ESS2: variants seen among roughly 807,000 people sequenced by gnomAD.
ESS2 encodes splicing factor ESS-2 homolog.
ESS2 carries 31 observed loss-of-function variants against 52.0 expected under a neutral mutation model. The observed-to-expected ratio is 0.60, with a 90% confidence interval of 0.45 to 0.81. The LOEUF is 0.81. Among genes scored for constraint, ESS2 ranks in the 30% least tolerant of loss-of-function variants. The pLI is 0.00. For missense variants in ESS2, 602 were observed against 637.2 expected (o/e 0.94, Z 0.59); for synonymous variants, 285 against 259.2 (o/e 1.10, Z -0.95).
chr22:19,134,913 A>C, intron 9 of ESS2, 147 bp downstream of exon 9: 2 of 664,204 alleles, frequency 3.0e-6, no homozygotes, highest in South Asian at 3.8e-5. Flanking sequence ...TGGATAGAGG[A>C]GCTGCCACAG....
intron 8 of ESS2, among the ~76,000 whole-genome samples, chr22:19,136,006 G>C (rs1370221344): frequency 1.4e-5 from 2 of 141,548 alleles, no homozygotes; most frequent in African/African-American, 5.3e-5. Flanking sequence ...CTCCAGCCTG[G>C]GCAACAGAGT....
chr22:19,140,461 C>T (rs1316050897), intron 3 of ESS2, among the ~76,000 whole-genome samples: 2 of 152,184 alleles, frequency 1.3e-5, no homozygotes, highest in Non-Finnish European at 2.9e-5. Flanking sequence ...CTCTTCTCTT[C>T]CTGGTACCTG....
chr22:19,143,953 T>C (rs2083739887), intron 1 of ESS2: 1 of 788,764 alleles, frequency 1.3e-6, no homozygotes, highest in Non-Finnish European at 1.5e-6. Context: ...CAGCCAGACC[T>C]TGCTCCCGAG....
chr22:19,134,503 C>T lies in ESS2; in HGVS notation c.1152-28G>A, dbSNP rs199663070. 5.7e-4 allele frequency: 855 copies of T among 1,504,034 alleles called. 1 individual carries two copies. Among genetic ancestry groups the T allele is most frequent in the Non-Finnish European group, 5.5e-4 (625 of 1,127,008 alleles). 93.2% of individuals were successfully genotyped at this position (1,504,034 alleles called of 1,614,324 possible). A position where few individuals can be genotyped will look rare whatever the true frequency, so the allele number is the denominator to read the frequency against. On this transcript the variant is annotated intron_variant, in intron 9 of 9. Transcript: ENST00000252137. ...GGGGTGGAGGAATGGGTGAGAGAGG[C>T]AGGGTTAGGTGGGCTGAGAGCTGCC... is the stretch of plus-strand genomic sequence containing the variant.
At chr22:19,143,657 AC>A (rs1267755404) in intron 1 of ESS2, among the ~76,000 whole-genome samples, 1 of 151,986 alleles carries the variant, frequency 6.6e-6, no homozygotes, top group Non-Finnish European at 1.5e-5. Context: ...GGAGTTCGAG[AC>A]CAGCCTGGCC....
chr22:19,137,513 A>G lies in ESS2; in HGVS notation c.926-81T>C, dbSNP rs968015862. 23 of 1,121,782 alleles carry G rather than the reference A, an allele frequency of 2.1e-5. No homozygotes were observed. In the Middle Eastern group the frequency reaches 6.2e-4, roughly 30 times the overall value. The allele number at this position is 1,121,782 out of a possible 1,614,324, so 69.5% of individuals were successfully genotyped here. A position where few individuals can be genotyped will look rare whatever the true frequency, so the allele number is the denominator to read the frequency against. On this transcript the variant is annotated intron_variant, in intron 7 of 9. Transcript: ENST00000252137. The stretch of plus-strand genomic sequence containing the variant: ...CCTCCAGTCACAGCTTGTTCACCCA[A>G]TGTGCATCCCAGCTAATACGAAGGC...
rs777110426 is a variant in ESS2, at chr22:19,135,069, T to C, written c.1142A>G (p.Asn381Ser). The C allele has an allele frequency of 2.6e-5, 42 of 1,613,306 alleles. No individual in the cohort carries two copies. In the East Asian group the frequency reaches 9.1e-4, roughly 35 times the overall value. The change falls in exon 9 of 10, where the codon AAT becomes AGT. Residue 381 changes from asparagine to serine, a missense_variant. Physicochemically the swap from Asn to Ser is conservative, Grantham distance 46. Coordinates refer to ENST00000252137, the MANE Select transcript of ESS2 (RefSeq NM_022719.3). ...KQEALRRVTE[N>S]LASLTPKGLS... is the part of the protein sequence containing the mutation. ...CCAGGCGGCCCCTCACCTGGCCAGATTCTCCGTCACTCTCCGCAAGGCTTC... is the reference window on the plus strand; with the variant it reads ...CCAGGCGGCCCCTCACCTGGCCAGACTCTCCGTCACTCTCCGCAAGGCTTC...
At chr22:19,141,482 G>A (rs1601362336) in intron 3 of ESS2, among the ~76,000 whole-genome samples, 1 of 152,292 alleles carries the variant, frequency 6.6e-6, no homozygotes, top group Middle Eastern at 3.4e-3. Flanking sequence ...CCCCCATCAA[G>A]TCACGATGTT....
intron 5 of ESS2, 75 bp downstream of exon 5, chr22:19,139,537 G>T: frequency 1.4e-6 from 2 of 1,447,600 alleles, no homozygotes; most frequent in Non-Finnish European, 9.7e-7. Flanking sequence ...CACCTGGAAG[G>T]CTGCTCCAAA....
chr22:19,138,453 C>T (rs2083624262), intron 6 of ESS2, 136 bp from the exon 7 acceptor site: 1 of 872,076 alleles, frequency 1.1e-6, no homozygotes. Flanking sequence ...GGTTGGCAGC[C>T]TTCTTGGAGA....
chr22:19,131,972 C>A lies in ESS2; in HGVS notation c.*2224G>T, dbSNP rs2083512588. On this transcript the variant is annotated 3_prime_UTR_variant, in exon 10 of 10. Transcript: ENST00000252137. The surrounding 1 kb of genome is among the most constrained non-coding windows in gnomAD (Gnocchi z 5.7). ...CCCCCGAGGTGCTGCAGAGCATCCC[C>A]TACCAGCCCAAGGTGTATGACATCT... 3 of 1,614,110 alleles carry A rather than the reference C, an allele frequency of 1.9e-6. No homozygotes were observed. The highest frequency in any genetic ancestry group is 1.7e-5 in the Admixed American group (1 of 60,014).
chr22:19,134,026 G>T lies in ESS2; in HGVS notation c.*170C>A. Reference sequence around the variant, plus strand: ...GCCCTGGGGTGTGGTGTGGGCACGAGTGCCTTGTGCCAGTCTGGCCCCAGC... The same window carrying T: ...GCCCTGGGGTGTGGTGTGGGCACGATTGCCTTGTGCCAGTCTGGCCCCAGC... On this transcript the variant is annotated 3_prime_UTR_variant, in exon 10 of 10. Coordinates refer to ENST00000252137, the MANE Select transcript of ESS2 (RefSeq NM_022719.3). 1.3e-6 allele frequency: 1 copy of T among 757,778 alleles called. No homozygotes were observed. The highest frequency in any genetic ancestry group is 1.8e-5 in the African/African-American group (1 of 54,896). 46.9% of individuals were successfully genotyped at this position (757,778 alleles called of 1,614,324 possible).
Position 19,132,659 on chromosome 22 carries a change from G to A in ESS2, c.*1537C>T, listed in dbSNP as rs1473704837. On this transcript the variant is annotated 3_prime_UTR_variant, in exon 10 of 10. Coordinates refer to ENST00000252137, the MANE Select transcript of ESS2 (RefSeq NM_022719.3). The surrounding 1 kb of genome is among the most constrained non-coding windows in gnomAD (Gnocchi z 4.2). Reference sequence around the variant, plus strand: ...CTTTCTTCCACTTAGCAGCAAAGACGTTCCTTACTGACCACCAAATAAACC... The same window carrying A: ...CTTTCTTCCACTTAGCAGCAAAGACATTCCTTACTGACCACCAAATAAACC... 9.4e-6 allele frequency: 6 copies of A among 638,232 alleles called. No individual in the cohort carries two copies. The highest frequency in any genetic ancestry group is 2.0e-5 in the South Asian group (1 of 51,064). 39.5% of individuals were successfully genotyped at this position (638,232 alleles called of 1,614,324 possible).
rs1601335336 is a variant in ESS2, at chr22:19,130,492, T to G, written c.*3704A>C. On this transcript the variant is annotated 3_prime_UTR_variant, in exon 10 of 10. Coordinates refer to ENST00000252137, the MANE Select transcript of ESS2 (RefSeq NM_022719.3). Reference sequence around the variant, plus strand: ...CAAAAAAAATGCTTGCTAAGTCCGATTAAAAGGGGCCCAGTGCCTTCAAGG... The same window carrying G: ...CAAAAAAAATGCTTGCTAAGTCCGAGTAAAAGGGGCCCAGTGCCTTCAAGG... 4 of 332,520 alleles carry G rather than the reference T, an allele frequency of 1.2e-5. No individual in the cohort carries two copies. In the Admixed American group the frequency reaches 1.8e-4, roughly 15 times the overall value. 20.6% of individuals were successfully genotyped at this position (332,520 alleles called of 1,614,324 possible). A position where few individuals can be genotyped will look rare whatever the true frequency, so the allele number is the denominator to read the frequency against.
In ESS2 at chr22:19,132,168, G is replaced by A. The variant is rs375592358; in HGVS notation, c.*2028C>T. 74 of 1,613,100 alleles carry A rather than the reference G, an allele frequency of 4.6e-5. No individual in the cohort carries two copies. The highest frequency in any genetic ancestry group is 1.3e-4 in the Admixed American group (8 of 59,984). ...CATCTACCGCATGCTGCAGCCCGACGTCAGCCAGCGGCTCCACATCGATGA... is the reference window on the plus strand; with the variant it reads ...CATCTACCGCATGCTGCAGCCCGACATCAGCCAGCGGCTCCACATCGATGA... On this transcript the variant is annotated 3_prime_UTR_variant, in exon 10 of 10. Transcript: ENST00000252137. This position sits in a 1 kb window ranked among gnomAD's most constrained non-coding sequence, Gnocchi z 4.2.
chr22:19,143,986 G>A (rs2083740868), intron 1 of ESS2: 19 of 971,806 alleles, frequency 2.0e-5, no homozygotes, highest in Non-Finnish European at 2.3e-5. Context: ...GCACCCAACC[G>A]TCCGTTAAAG....
Position 19,134,404 on chromosome 22 carries a change from T to C in ESS2, c.1223A>G (p.Lys408Arg). 6.2e-7 allele frequency: 1 copy of C among 1,609,352 alleles called. No individual in the cohort carries two copies. Among genetic ancestry groups the C allele is most frequent in the Middle Eastern group, 1.7e-4 (1 of 6,036 alleles). Reference sequence around the variant, plus strand: ...GGCCCGCAGGGCCCGGTCTGTGTACTTGCTGGCCGTCCTGCTCACAAGGCG... The same window carrying C: ...GGCCCGCAGGGCCCGGTCTGTGTACCTGCTGGCCGTCCTGCTCACAAGGCG... ...LQRLVSRTASKYTDRALRASY... is the reference protein window; with the variant it reads ...LQRLVSRTASRYTDRALRASY... Residue 408 changes from lysine to arginine, a missense_variant, in exon 10 of 10, where the codon AAG (lysine) becomes AGG (arginine). Coordinates refer to ENST00000252137, the MANE Select transcript of ESS2 (RefSeq NM_022719.3).
rs377733215 is a variant in ESS2 at position 19,134,294 on chromosome 22, C to T, written c.1333G>A (p.Gly445Ser). ...GTGAGAGGGGTGCGTGTGGCAGAGC[C>T]AGGCGCCGGTGTGCTTGTGGGGGTC... ...LQTPTSTPAP[G>S]SATRTPLTQD... The change falls in exon 10 of 10, where the codon GGC (glycine) becomes AGC (serine). Residue 445 changes from glycine (G) to serine (S), a missense_variant. Transcript: ENST00000252137. The T allele has an allele frequency of 1.9e-6, 3 of 1,600,128 alleles. No individual in the cohort carries two copies. The African/African-American group carries it at 4.0e-5, about 22-fold the overall frequency.
At chr22:19,137,488 C>T (rs2083604563) in intron 7 of ESS2, 56 bp from the exon 8 acceptor site, 2 of 1,315,996 alleles carry the variant, frequency 1.5e-6, no homozygotes, top group Non-Finnish European at 1.1e-6. Context: ...ACCACCCTCC[C>T]CTCCAGTCAC....
Sources: gnomAD v4.1 joint callset for allele counts (sites outside exome capture counted in the v4.1 genomes callset) on GRCh38, gnomAD v4.1.1 for gene constraint, Gnocchi (gnomAD v3.1) non-coding constraint, MANE v1.5 for transcripts, NCBI Gene and HGNC (gene_info 2026-07-23, HGNC 2026-07-21) for gene names.